The following NADK variants were observed in gnomAD, a reference collection of about 807,000 sequenced individuals.
NADK encodes NAD kinase.
In NADK, 22 loss-of-function variants were observed where a neutral mutation model predicts 49.8. That is an observed-to-expected ratio of 0.44 (90% CI 0.32 to 0.63). NADK has a LOEUF of 0.63. NADK is among the 30% of genes least tolerant of loss of function. The pLI, the probability that NADK is intolerant of heterozygous loss-of-function variation, is 0.06. For missense variants in NADK, 438 were observed against 609.4 expected (o/e 0.72, Z 2.96); for synonymous variants, 268 against 253.7 (o/e 1.06, Z -0.54).
chr1:1,770,208 C>G (rs74474177), intron 1 of NADK, among the ~76,000 whole-genome samples: 1 of 151,458 alleles, frequency 6.6e-6, no homozygotes. Context: ...AAAAAAAAAC[C>G]ATGAAAAATT....
At chr1:1,773,571 C>T (rs1646113983) in intron 1 of NADK, among the ~76,000 whole-genome samples, 1 of 151,514 alleles carries the variant, frequency 6.6e-6, no homozygotes, top group African/African-American at 2.4e-5. Flanking sequence ...GGCAACACAG[C>T]AAGACCCCGT....
intron 2 of NADK, among the ~76,000 whole-genome samples, chr1:1,763,633 A>AG (rs1645797231): frequency 7.3e-6 from 1 of 137,314 alleles, no homozygotes; most frequent in Admixed American, 8.1e-5. Context: ...AAAAAAAAAA[A>AG]AAGAAGAAGA....
chr1:1,758,362 C>T (rs1396558507), intron 3 of NADK: 1 of 1,608,006 alleles, frequency 6.2e-7, no homozygotes, highest in Non-Finnish European at 8.5e-7. Context: ...GGTCAGCACT[C>T]ACCCTGTGCA....
chr1:1,779,643 T>A (rs1241555565), upstream of NADK, among the ~76,000 whole-genome samples: 1 of 150,898 alleles, frequency 6.6e-6, no homozygotes, highest in Admixed American at 6.6e-5. Flanking sequence ...CACACTCGAC[T>A]ACTTCATTCA....
intron 10 of NADK, among the ~76,000 whole-genome samples, 169 bp downstream of exon 10, chr1:1,753,882 C>G (rs764165008): frequency 7.2e-5 from 11 of 152,216 alleles, no homozygotes; most frequent in Non-Finnish European, 1.5e-4. Flanking sequence ...AGAACTCGGG[C>G]ACCAGCAAGG....
intron 1 of NADK, among the ~76,000 whole-genome samples, chr1:1,777,403 C>T (rs1273439437): frequency 6.6e-6 from 1 of 152,076 alleles, no homozygotes; most frequent in African/African-American, 2.4e-5. Context: ...GAAAAAAAAA[C>T]TTATTAAGGC....
chr1:1,779,748 G>A (rs1025808079), upstream of NADK, among the ~76,000 whole-genome samples: 5 of 152,000 alleles, frequency 3.3e-5, no homozygotes, highest in Non-Finnish European at 7.4e-5. Context: ...ACCCGCCTCG[G>A]CCTCCCAAAG....
At chr1:1,763,636 G>T (rs4648822) in intron 2 of NADK, among the ~76,000 whole-genome samples, 2 of 14,316 alleles carry the variant, frequency 1.4e-4, no homozygotes, top group East Asian at 6.0e-3. Context: ...AAAAAAAAAA[G>T]AAGAAGAAAA....
chr1:1,770,074 G>C (rs1374135341), intron 1 of NADK, among the ~76,000 whole-genome samples: 1 of 152,108 alleles, frequency 6.6e-6, no homozygotes, highest in African/African-American at 2.4e-5. Flanking sequence ...GGCTGAGGAA[G>C]GAGAACAGGA....
At chr1:1,779,698 T>C (rs570460519), upstream of NADK, among the ~76,000 whole-genome samples, 1 of 151,476 alleles carries the variant, frequency 6.6e-6, no homozygotes, top group Admixed American at 6.6e-5. Flanking sequence ...TGTGTAGAGA[T>C]GAGGTTTTAC....
At position 1,759,918 on chromosome 1, in the gene NADK, A is replaced by G. The variant is rs1286036140; in HGVS notation, c.263+2034T>C. 3.5e-5 allele frequency: 55 copies of G among 1,550,280 alleles called. 1 individual carries two copies. The highest frequency in any genetic ancestry group is 4.7e-5 in the Non-Finnish European group (54 of 1,146,872). On this transcript the variant is annotated intron_variant, in intron 3 of 11. Transcript: ENST00000341426. ...AGGAGTGGCTCTGCCAGGACCAGGA[A>G]GTGCAGGGAGGGCACCAGGCAGCGG...
At chr1:1,767,509 G>A (rs1645922697) in intron 1 of NADK, among the ~76,000 whole-genome samples, 1 of 152,062 alleles carries the variant, frequency 6.6e-6, no homozygotes, top group Admixed American at 6.6e-5. Context: ...ACAGAAGAGG[G>A]GCCGTGCACA....
At chr1:1,767,288 C>G (rs1344579042) in intron 1 of NADK, among the ~76,000 whole-genome samples, 1 of 152,218 alleles carries the variant, frequency 6.6e-6, no homozygotes, top group East Asian at 1.9e-4. Context: ...CCCTCAGCCA[C>G]TTGGAAGTTT....
chr1:1,757,438 T>C (rs897061638), intron 3 of NADK, 128 bp from the exon 4 acceptor site: 11 of 811,404 alleles, frequency 1.4e-5, no homozygotes, highest in Admixed American at 9.7e-5. Flanking sequence ...ACGTGCTCGG[T>C]GGCCACGGGC....
chr1:1,752,209 T>TA lies in NADK; in HGVS notation c.*694dup, dbSNP rs1645347495. The TA allele has an allele frequency of 6.6e-6, 1 of 152,666 alleles. No homozygotes were observed. Among genetic ancestry groups the TA allele is most frequent in the African/African-American group, 2.4e-5 (1 of 41,468 alleles). 9.5% of individuals were successfully genotyped at this position (152,666 alleles called of 1,614,324 possible). ...ACTTCAGAAAGTTTAAAAGAGTCTC[T>TA]AAAAAGTATATACAGGATTTAAACT... On this transcript the variant is annotated 3_prime_UTR_variant, in exon 12 of 12. Coordinates refer to ENST00000341426, the MANE Select transcript of NADK (RefSeq NM_023018.5).
intron 1 of NADK, among the ~76,000 whole-genome samples, chr1:1,766,978 G>C (rs1242792324): frequency 6.6e-6 from 1 of 151,790 alleles, no homozygotes; most frequent in Non-Finnish European, 1.5e-5. Flanking sequence ...GCAGTGGTGT[G>C]ATCGCAGCTC....
At chr1:1,761,420 C>T (rs1048238462) in intron 3 of NADK, among the ~76,000 whole-genome samples, 2 of 152,218 alleles carry the variant, frequency 1.3e-5, no homozygotes, top group African/African-American at 4.8e-5. Context: ...GCCACTGCGC[C>T]CAGCCTGGAT....
chr1:1,768,331 AGTTCAG>A (rs1321368756), intron 1 of NADK, among the ~76,000 whole-genome samples: 2 of 147,500 alleles, frequency 1.4e-5, no homozygotes, highest in African/African-American at 2.7e-5. Flanking sequence ...TGAGGCCAGG[AGTTCAG>A]GAACAGCCTG....
intron 3 of NADK, chr1:1,759,130 C>G (rs933461669): frequency 2.6e-6 from 4 of 1,553,922 alleles, no homozygotes; most frequent in Admixed American, 3.9e-5. Context: ...CCATTCCAGC[C>G]CTGAGGCTCA....
Sources: gnomAD v4.1 joint callset for allele counts (sites outside exome capture counted in the v4.1 genomes callset) on GRCh38, gnomAD v4.1.1 for gene constraint, MANE v1.5 for transcripts, NCBI Gene and HGNC (gene_info 2026-07-23, HGNC 2026-07-21) for gene names.